The following SDK1 variants were observed in gnomAD, a reference collection of about 807,000 sequenced individuals.
SDK1 encodes protein sidekick-1.
A neutral mutation model predicts 245.5 loss-of-function variants in SDK1; 157 were observed. That is an observed-to-expected ratio of 0.64 (90% CI 0.56 to 0.73). The LOEUF is 0.73. Ranked by LOEUF, SDK1 falls within the 30% of genes least tolerant of loss-of-function variation. SDK1 has a pLI of 0.00. For synonymous variants in SDK1, 1,647 were observed against 1,278.5 expected (o/e 1.29, Z -6.15); for missense variants, 3,583 against 3,002.3 (o/e 1.19, Z -4.52).
At chr7:4,116,484 C>T (rs1183677308) in intron 25 of SDK1, among the ~76,000 whole-genome samples, 1 of 152,216 alleles carries the variant, frequency 6.6e-6, no homozygotes, top group East Asian at 1.9e-4. Context: ...ATAAAGGCTC[C>T]TCTCATCCTT....
At chr7:3,860,047 G>A (rs1214406524) in intron 5 of SDK1, among the ~76,000 whole-genome samples, 3 of 151,800 alleles carry the variant, frequency 2.0e-5, no homozygotes, top group African/African-American at 7.3e-5. Context: ...AGCCTCCCGA[G>A]TAGCTGGGAC....
chr7:3,893,753 C>T (rs1781521133), intron 5 of SDK1, among the ~76,000 whole-genome samples: 1 of 151,580 alleles, frequency 6.6e-6, no homozygotes, highest in South Asian at 2.1e-4. Flanking sequence ...CCACATCTGT[C>T]TCTTCTCCAC....
chr7:4,176,657 C>T (rs1037594214), intron 34 of SDK1, among the ~76,000 whole-genome samples: 5 of 152,208 alleles, frequency 3.3e-5, no homozygotes, highest in African/African-American at 7.2e-5. Flanking sequence ...TTATACCCCT[C>T]CCCACCAGCA....
At position 4,094,865 on chromosome 7, in the gene SDK1, A is replaced by G. The variant is rs1782047924; in HGVS notation, c.3324+15281A>G. On this transcript the variant is annotated intron_variant, in intron 22 of 44. Transcript: ENST00000404826. ...GAGGCTTCAGGCAGAGTCAAGCATC[A>G]GGACACGGAGGTGACACATTGGTTT... 2.6e-5 allele frequency among the ~76,000 whole-genome samples: 4 copies of G among 152,346 alleles called. No individual in the cohort carries two copies. In the South Asian group the frequency reaches 8.3e-4, roughly 32 times the overall value.
At chr7:3,743,024 T>C (rs754110369) in intron 4 of SDK1, among the ~76,000 whole-genome samples, 1 of 152,224 alleles carries the variant, frequency 6.6e-6, no homozygotes, top group Non-Finnish European at 1.5e-5. Flanking sequence ...TCCTACTTAT[T>C]GATAGGCATG....
At chr7:4,076,071 A>G (rs976265740) in intron 20 of SDK1, among the ~76,000 whole-genome samples, 3 of 152,192 alleles carry the variant, frequency 2.0e-5, no homozygotes, top group African/African-American at 7.2e-5. Flanking sequence ...AGAAAACAGG[A>G]TATATGAAAA....
chr7:3,838,966 A>G (rs1418730859), intron 5 of SDK1, among the ~76,000 whole-genome samples: 1 of 152,184 alleles, frequency 6.6e-6, no homozygotes, highest in Non-Finnish European at 1.5e-5. Context: ...GTTTGGGCAG[A>G]GGCACGTCCT....
intron 4 of SDK1, among the ~76,000 whole-genome samples, chr7:3,712,902 T>C (rs190975098): frequency 2.6e-5 from 4 of 152,328 alleles, no homozygotes; most frequent in East Asian, 3.9e-4. Flanking sequence ...AGTGGTGCCA[T>C]TGGATTCTCT....
intron 1 of SDK1, among the ~76,000 whole-genome samples, chr7:3,491,806 G>A (rs566699900): frequency 6.6e-6 from 1 of 152,276 alleles, no homozygotes; most frequent in South Asian, 2.1e-4. Flanking sequence ...TTTCTCATAT[G>A]CCAACGATTA....
chr7:3,833,166 T>C (rs1779950929), intron 5 of SDK1, among the ~76,000 whole-genome samples: 1 of 152,044 alleles, frequency 6.6e-6, no homozygotes, highest in Admixed American at 6.6e-5. Flanking sequence ...CTAGAGAAGC[T>C]CTTAAAAGAA....
chr7:3,950,061 A>G (rs1018729392), intron 5 of SDK1, among the ~76,000 whole-genome samples: 3 of 152,388 alleles, frequency 2.0e-5, no homozygotes, highest in South Asian at 2.1e-4. Flanking sequence ...TTAAATCAAT[A>G]AAAGAAAAAT....
intron 5 of SDK1, among the ~76,000 whole-genome samples, chr7:3,859,436 G>A (rs549166874): frequency 6.6e-6 from 1 of 150,616 alleles, no homozygotes; most frequent in South Asian, 2.1e-4. Flanking sequence ...GCTGGTTTTG[G>A]TTTTTTTTTC....
intron 1 of SDK1, among the ~76,000 whole-genome samples, chr7:3,479,114 T>G (rs1417198753): frequency 2.0e-5 from 3 of 152,188 alleles, no homozygotes; most frequent in Non-Finnish European, 4.4e-5. Context: ...GTTTCACATT[T>G]GCATAAGCAT....
chr7:4,235,759 T>C (rs932190081), intron 41 of SDK1, among the ~76,000 whole-genome samples: 1 of 152,204 alleles, frequency 6.6e-6, no homozygotes, highest in Non-Finnish European at 1.5e-5. Flanking sequence ...GACGCAGAGC[T>C]GGCCTTGCCA....
At chr7:3,610,191 A>T (rs926113423) in intron 1 of SDK1, among the ~76,000 whole-genome samples, 2 of 152,228 alleles carry the variant, frequency 1.3e-5, no homozygotes, top group African/African-American at 4.8e-5. Context: ...CACCATGTGG[A>T]TATCTGTTAC....
intron 4 of SDK1, among the ~76,000 whole-genome samples, chr7:3,700,670 C>T (rs1337942505): frequency 6.6e-6 from 1 of 152,048 alleles, no homozygotes; most frequent in African/African-American, 2.4e-5. Context: ...AACAAACAAA[C>T]AAAAATGGTG....
chr7:3,315,558 T>G (rs928615446), intron 1 of SDK1, among the ~76,000 whole-genome samples: 1 of 152,168 alleles, frequency 6.6e-6, no homozygotes, highest in African/African-American at 2.4e-5. Context: ...ATAAAACAGG[T>G]AAGAAATTAC....
chr7:4,081,873 C>T (rs981465900), intron 22 of SDK1, among the ~76,000 whole-genome samples: 1 of 152,292 alleles, frequency 6.6e-6, no homozygotes, highest in Middle Eastern at 3.4e-3. Flanking sequence ...TATTTTGAAG[C>T]ATATTTCAGA....
chr7:4,106,124 A>C (rs1352390567), intron 22 of SDK1, among the ~76,000 whole-genome samples: 1 of 152,096 alleles, frequency 6.6e-6, no homozygotes, highest in African/African-American at 2.4e-5. Context: ...TTTTATGCTC[A>C]GCAAAACAAC....
Sources: gnomAD v4.1 joint callset for allele counts (sites outside exome capture counted in the v4.1 genomes callset) on GRCh38, gnomAD v4.1.1 for gene constraint, MANE v1.5 for transcripts, NCBI Gene and HGNC (gene_info 2026-07-23, HGNC 2026-07-21) for gene names.